Variants in MGAT3 observed in about 807,000 individuals in gnomAD.
MGAT3 encodes GlcNAc-T III.
Under a neutral mutation model 29.8 loss-of-function variants are expected in MGAT3, and 9 were observed. The observed-to-expected ratio is 0.30, with a 90% confidence interval of 0.18 to 0.53. The LOEUF (loss-of-function observed/expected upper bound fraction) is 0.53, where lower values mean the gene tolerates loss of function less well. Among genes scored for constraint, MGAT3 ranks in the 20% least tolerant of loss-of-function variants. MGAT3 has a pLI of 0.96. For synonymous variants in MGAT3, 397 were observed against 348.9 expected, an observed-to-expected ratio of 1.14 and a Z score of -1.54; for missense variants, 557 against 769.5, an observed-to-expected ratio of 0.72 and a Z score of 3.27.
At chr22:39,482,559 C>G (rs537599283) in intron 1 of MGAT3, among the ~76,000 whole-genome samples, 115 of 152,294 alleles carry the variant, frequency 7.6e-4, no homozygotes, top group African/African-American at 2.6e-3. Context: ...AAATAACCTA[C>G]CAGAGTGCCT....
chr22:39,464,093 C>G (rs1010419393), intron 1 of MGAT3, among the ~76,000 whole-genome samples: 3 of 151,968 alleles, frequency 2.0e-5, no homozygotes, highest in Non-Finnish European at 4.4e-5. Context: ...GCCCCACCAG[C>G]TCTTCATACA....
chr22:39,475,600 C>G (rs1395079721), intron 1 of MGAT3, among the ~76,000 whole-genome samples: 2 of 152,232 alleles, frequency 1.3e-5, no homozygotes, highest in East Asian at 3.9e-4. Context: ...CCTGGCCCTC[C>G]CCTTCATCAC....
At chr22:39,483,439 C>T (rs11914272) in intron 1 of MGAT3, among the ~76,000 whole-genome samples, 3,000 of 151,874 alleles carry the variant, frequency 0.02, 89 homozygotes, top group African/African-American at 0.07. Context: ...GAGCTGAGAT[C>T]GCACCATTGC....
chr22:39,488,967 G>T lies in MGAT3; in HGVS notation c.*18G>T. ...AAGTCTAGAGCTGCATGATCTGATA[G>T]GGTTTGTGACAGGGCGGGGGTGGCG... On this transcript the variant is annotated 3_prime_UTR_variant, in exon 2 of 2. Coordinates refer to ENST00000341184, the MANE Select transcript of MGAT3 (RefSeq NM_002409.5). 6.3e-7 allele frequency: 1 copy of T among 1,596,740 alleles called. No individual in the cohort carries two copies. Among genetic ancestry groups the T allele is most frequent in the Non-Finnish European group, 8.5e-7 (1 of 1,172,742 alleles).
intron 1 of MGAT3, among the ~76,000 whole-genome samples, chr22:39,479,693 C>T (rs977029492): frequency 1.2e-4 from 18 of 152,346 alleles, no homozygotes; most frequent in African/African-American, 4.3e-4. Flanking sequence ...CTAGGCATCT[C>T]ATCGATGGGA....
chr22:39,470,332 C>T (rs539019722), intron 1 of MGAT3, among the ~76,000 whole-genome samples: 5 of 152,158 alleles, frequency 3.3e-5, no homozygotes, highest in South Asian at 2.1e-4. Context: ...GCGTTCCAGG[C>T]GGAGGGATCA....
At chr22:39,479,532 C>T (rs539806060) in intron 1 of MGAT3, among the ~76,000 whole-genome samples, 2 of 152,350 alleles carry the variant, frequency 1.3e-5, no homozygotes, top group East Asian at 3.9e-4. Context: ...GATAGGACAG[C>T]ACCCACCTAG....
intron 1 of MGAT3, among the ~76,000 whole-genome samples, chr22:39,479,023 C>T (rs1257963037): frequency 6.6e-6 from 1 of 152,234 alleles, no homozygotes; most frequent in Non-Finnish European, 1.5e-5. Context: ...CAGGAAGCAC[C>T]TGGCCCATGC....
rs1373465379 is a variant in MGAT3 at position 39,487,966 on chromosome 22, C to T, written c.619C>T (p.Arg207Cys). 6.2e-7 allele frequency: 1 copy of T among 1,611,956 alleles called. No individual in the cohort carries two copies. Among genetic ancestry groups the T allele is most frequent in the East Asian group, 2.2e-5 (1 of 44,844 alleles). The change falls in exon 2 of 2, where the codon CGC becomes TGC. Residue 207 changes from arginine (R) to cysteine (C), a missense_variant. Around this residue, in one of 3 missense-constraint regions of MGAT3, gnomAD observed 243 missense variants for 444.0 expected, o/e 0.55. Coordinates refer to ENST00000341184, the MANE Select transcript of MGAT3 (RefSeq NM_002409.5). This position sits in a 1 kb window ranked among gnomAD's most constrained non-coding sequence, Gnocchi z 5.7. ...GCTGGTGCCCAGGGAGGTGCCGCGC[C>T]GCGTCATCAACGCCATCAACGTCAA... ...ERLVPREVPRRVINAINVNHE... is the reference protein window; with the variant it reads ...ERLVPREVPRCVINAINVNHE...
At chr22:39,475,128 C>CTTTTTTTTTTTTTTTTTTTTTTTTTT (rs58543840) in intron 1 of MGAT3, among the ~76,000 whole-genome samples, 10 of 118,770 alleles carry the variant, frequency 8.4e-5, no homozygotes, top group African/African-American at 3.7e-4. Context: ...GCTTGCCAGG[C>CTTTTTTTTTTTTTTTTTTTTTTTTTT]TTTTTTTTTT....
chr22:39,482,914 C>A (rs1929167579), intron 1 of MGAT3, among the ~76,000 whole-genome samples: 1 of 152,218 alleles, frequency 6.6e-6, no homozygotes, highest in East Asian at 1.9e-4. Context: ...ACTGGTGAGT[C>A]CGTGCTCAGA....
intron 1 of MGAT3, among the ~76,000 whole-genome samples, chr22:39,483,232 C>T (rs1364280022): frequency 2.6e-5 from 4 of 152,184 alleles, no homozygotes; most frequent in African/African-American, 9.7e-5. Flanking sequence ...CAGTGGCCCA[C>T]ACCTGTAATC....
chr22:39,466,746 G>C (rs1262057695), intron 1 of MGAT3, among the ~76,000 whole-genome samples: 6 of 152,236 alleles, frequency 3.9e-5, no homozygotes, highest in Non-Finnish European at 7.3e-5. Flanking sequence ...CATCCCTGTT[G>C]GCTGATGTTG....
At chr22:39,463,984 A>G (rs1928567040) in intron 1 of MGAT3, among the ~76,000 whole-genome samples, 1 of 151,570 alleles carries the variant, frequency 6.6e-6, no homozygotes, top group South Asian at 2.1e-4. Context: ...GAGCCAGTTC[A>G]CAGCTCCCTG....
At position 39,488,343 on chromosome 22, in the gene MGAT3, C is replaced by G; in HGVS notation, c.996C>G (p.Leu332=). 1 of 1,612,526 alleles carries G rather than the reference C, an allele frequency of 6.2e-7. No individual in the cohort carries two copies. Among genetic ancestry groups the G allele is most frequent in the Non-Finnish European group, 8.5e-7 (1 of 1,180,012 alleles). ...GTGACGGCGTCCTTTTCCTCAAGCTCTACGATGGCTGGACCGAGCCCTTCG... is the reference window on the plus strand; with the variant it reads ...GTGACGGCGTCCTTTTCCTCAAGCTGTACGATGGCTGGACCGAGCCCTTCG... ...PARDGVLFLK[L]YDGWTEPFAF... The change falls in exon 2 of 2, where the codon CTC becomes CTG. Residue 332 remains leucine, a synonymous_variant. Transcript: ENST00000341184.
At chr22:39,469,328 G>T (rs1928744441) in intron 1 of MGAT3, among the ~76,000 whole-genome samples, 1 of 152,138 alleles carries the variant, frequency 6.6e-6, no homozygotes, top group South Asian at 2.1e-4. Context: ...GTTTCACCTC[G>T]TTTGCCACAG....
intron 1 of MGAT3, among the ~76,000 whole-genome samples, chr22:39,458,055 C>A (rs900448311): frequency 6.6e-6 from 1 of 152,120 alleles, no homozygotes; most frequent in Admixed American, 6.5e-5. Context: ...GCGGGGGCTG[C>A]GGCCGTAGCT....
intron 1 of MGAT3, among the ~76,000 whole-genome samples, chr22:39,482,873 G>C (rs1206394458): frequency 6.6e-6 from 1 of 152,172 alleles, no homozygotes; most frequent in African/African-American, 2.4e-5. Context: ...TGTCCTGAAG[G>C]CTCCAGTGAC....
At position 39,489,411 on chromosome 22, in the gene MGAT3, A is replaced by G. The variant is rs926960561; in HGVS notation, c.*462A>G. 5.1e-6 allele frequency: 1 copy of G among 195,872 alleles called. No homozygotes were observed. 12.1% of individuals were successfully genotyped at this position (195,872 alleles called of 1,614,324 possible). ...CAGGAGGACCCAGGGCTCTGTAAGT[A>G]GATGCATTTGGGTCCAGGAGGAAGC... is the stretch of plus-strand genomic sequence containing the variant. On this transcript the variant is annotated 3_prime_UTR_variant, in exon 2 of 2. Coordinates refer to ENST00000341184, the MANE Select transcript of MGAT3 (RefSeq NM_002409.5).
Sources: gnomAD v4.1 joint callset for allele counts (sites outside exome capture counted in the v4.1 genomes callset) on GRCh38, gnomAD v4.1.1 for gene constraint, gnomAD v4.1.1 regional missense constraint, Gnocchi (gnomAD v3.1) non-coding constraint, MANE v1.5 for transcripts, NCBI Gene and HGNC (gene_info 2026-07-23, HGNC 2026-07-21) for gene names.